The following LRRC4C variants were observed in gnomAD, a reference collection of about 807,000 sequenced individuals.
The protein encoded by LRRC4C is leucine-rich repeat-containing protein 4C.
Under a neutral mutation model 33.6 loss-of-function variants are expected in LRRC4C, and 5 were observed. The observed-to-expected ratio is 0.15, with a 90% CI of 0.08 to 0.31. The LOEUF is 0.31. Among genes scored for constraint, LRRC4C ranks in the 10% least tolerant of loss-of-function variants. LRRC4C has a pLI of 1.00. For synonymous variants in LRRC4C, 329 were observed against 302.0 expected, an observed-to-expected ratio of 1.09 and a Z score of -0.93; for missense variants, 560 against 796.7, an observed-to-expected ratio of 0.70 and a Z score of 3.58.
chr11:41,370,570 G>T (rs1268383946), intron 1 of LRRC4C, among the ~76,000 whole-genome samples: 1 of 152,136 alleles, frequency 6.6e-6, no homozygotes, highest in Non-Finnish European at 1.5e-5. Flanking sequence ...CACCATGTAA[G>T]AAGCGCCTTT....
At chr11:40,146,352 T>G (rs1215221505) in intron 5 of LRRC4C, among the ~76,000 whole-genome samples, 1 of 152,150 alleles carries the variant, frequency 6.6e-6, no homozygotes, top group Non-Finnish European at 1.5e-5. Context: ...TTTCAAAATA[T>G]ACACCTAACA....
intron 1 of LRRC4C, among the ~76,000 whole-genome samples, chr11:40,946,621 CTT>C: frequency 6.6e-6 from 1 of 152,192 alleles, no homozygotes; most frequent in African/African-American, 2.4e-5. Flanking sequence ...TGTGTTTTGA[CTT>C]TTTACTAATA....
At chr11:40,295,701 C>T (rs1944477114) in intron 4 of LRRC4C, among the ~76,000 whole-genome samples, 1 of 152,148 alleles carries the variant, frequency 6.6e-6, no homozygotes, top group Admixed American at 6.5e-5. Flanking sequence ...CTTTTCCTTA[C>T]ACATGGATTG....
intron 2 of LRRC4C, among the ~76,000 whole-genome samples, chr11:40,832,008 A>G (rs1952436675): frequency 6.6e-6 from 1 of 152,178 alleles, no homozygotes; most frequent in African/African-American, 2.4e-5. Context: ...AGGTAGAGTT[A>G]TGATTTTTAA....
chr11:40,639,729 G>A (rs1255254874), intron 3 of LRRC4C, among the ~76,000 whole-genome samples: 1 of 152,166 alleles, frequency 6.6e-6, no homozygotes, highest in East Asian at 1.9e-4. Flanking sequence ...TTGCTTTACT[G>A]CAGCGATATT....
intron 4 of LRRC4C, among the ~76,000 whole-genome samples, chr11:40,262,773 T>C (rs529483487): frequency 3.3e-4 from 50 of 151,204 alleles, no homozygotes; most frequent in Non-Finnish European, 6.0e-4. Flanking sequence ...TAAGTGGGAG[T>C]TGAGCAATGA....
intron 3 of LRRC4C, among the ~76,000 whole-genome samples, chr11:40,340,636 A>T (rs896339097): frequency 6.6e-6 from 1 of 152,176 alleles, no homozygotes; most frequent in African/African-American, 2.4e-5. Context: ...AATTCTTACA[A>T]TTCTACAATA....
Position 40,230,065 on chromosome 11 carries a change from A to G in LRRC4C, c.-96+11454T>C, listed in dbSNP as rs1865092177. On this transcript the variant is annotated intron_variant, in intron 5 of 6. Transcript: ENST00000528697. ...CATCCTTGGCAGTCAGAGATTTGAA[A>G]AGGACTCTGAGATTCATAGCTCAGA... Among the ~76,000 whole-genome samples, 3 of 152,296 alleles carry G rather than the reference A, an allele frequency of 2.0e-5. No homozygotes were observed. In the South Asian group the frequency reaches 6.2e-4, roughly 32 times the overall value.
At chr11:40,300,839 T>C (rs1409904690) in intron 4 of LRRC4C, among the ~76,000 whole-genome samples, 2 of 152,178 alleles carry the variant, frequency 1.3e-5, no homozygotes, top group African/African-American at 4.8e-5. Flanking sequence ...TCTAGCTCTG[T>C]TGCTCAGGCT....
intron 3 of LRRC4C, among the ~76,000 whole-genome samples, chr11:40,400,868 T>C (rs939299062): frequency 6.6e-6 from 1 of 152,146 alleles, no homozygotes; most frequent in South Asian, 2.1e-4. Flanking sequence ...TCCTATACTT[T>C]CTCTATCCCA....
chr11:41,171,396 T>C (rs1197722976), intron 1 of LRRC4C, among the ~76,000 whole-genome samples: 2 of 152,100 alleles, frequency 1.3e-5, no homozygotes, highest in African/African-American at 4.8e-5. Flanking sequence ...ATGTGGCACA[T>C]ATACACCATG....
At chr11:40,988,315 G>A (rs1459122189) in intron 1 of LRRC4C, among the ~76,000 whole-genome samples, 1 of 152,128 alleles carries the variant, frequency 6.6e-6, no homozygotes, top group Non-Finnish European at 1.5e-5. Context: ...TGCAAAGGGA[G>A]TATGTCTTTT....
intron 3 of LRRC4C, among the ~76,000 whole-genome samples, chr11:40,645,408 C>T (rs950853096): frequency 2.0e-5 from 3 of 152,108 alleles, no homozygotes; most frequent in South Asian, 2.1e-4. Flanking sequence ...TGCTGGGTCT[C>T]GGTCAGTGCA....
intron 1 of LRRC4C, among the ~76,000 whole-genome samples, chr11:40,985,036 A>G (rs1192685268): frequency 1.3e-5 from 2 of 150,328 alleles, no homozygotes; most frequent in Admixed American, 6.7e-5. Flanking sequence ...TCTCACTGAC[A>G]CTTATTAATT....
rs576509232 is a variant in LRRC4C at position 41,347,906 on chromosome 11, G to C, written c.-496+111525C>G. 5.3e-5 allele frequency among the ~76,000 whole-genome samples: 8 copies of C among 152,294 alleles called. No individual in the cohort carries two copies. In the East Asian group the frequency reaches 1.4e-3, roughly 26 times the overall value. On this transcript the variant is annotated intron_variant, in intron 1 of 6. Coordinates refer to ENST00000528697, the MANE Select transcript of LRRC4C (RefSeq NM_001258419.2). ...CCACCGGTACTAATTATTTACAGAT[G>C]ATGAAAATGAAGCCAAGGAAAATGA...
At chr11:40,272,727 G>A (rs1390317435) in intron 4 of LRRC4C, among the ~76,000 whole-genome samples, 1 of 152,010 alleles carries the variant, frequency 6.6e-6, no homozygotes, top group Non-Finnish European at 1.5e-5. Flanking sequence ...TCTTCTTTTG[G>A]TGCAAAGTTT....
chr11:41,282,679 A>C (rs111374416), intron 1 of LRRC4C, among the ~76,000 whole-genome samples: 3,387 of 152,234 alleles, frequency 0.022, 130 homozygotes, highest in African/African-American at 0.077. Context: ...TGCATTTAGC[A>C]GCAGTAACCA....
At chr11:40,452,386 T>C (rs530998414) in intron 3 of LRRC4C, among the ~76,000 whole-genome samples, 559 of 152,290 alleles carry the variant, frequency 3.7e-3, no homozygotes, top group Non-Finnish European at 5.7e-3. Context: ...GAACAGACAC[T>C]TCTCAAAAGA....
chr11:41,192,042 C>T (rs1002372352), intron 1 of LRRC4C, among the ~76,000 whole-genome samples: 11 of 152,172 alleles, frequency 7.2e-5, no homozygotes, highest in African/African-American at 2.6e-4. Flanking sequence ...TTCCCTTGGA[C>T]CCTAGATAGC....
Sources: gnomAD v4.1 joint callset for allele counts (sites outside exome capture counted in the v4.1 genomes callset) on GRCh38, gnomAD v4.1.1 for gene constraint, MANE v1.5 for transcripts, NCBI Gene and HGNC (gene_info 2026-07-23, HGNC 2026-07-21) for gene names.